Variants in PADI4 observed in about 807,000 individuals in gnomAD.
PADI4 encodes the protein peptidyl arginine deiminase 4, also known as protein-arginine deiminase type-4.
PADI4 carries 62 observed loss-of-function variants against 75.0 expected under a neutral mutation model. The observed-to-expected ratio is 0.83, with a 90% CI of 0.67 to 1.02. The LOEUF is 1.02. Ranked by LOEUF, PADI4 falls within the 50% of genes least tolerant of loss-of-function variation. PADI4 has a pLI of 0.00. For synonymous variants in PADI4, 361 were observed against 348.1 expected (o/e 1.04, Z -0.41); for missense variants, 845 against 850.5 (o/e 0.99, Z 0.08).
At chr1:17,332,572 G>T (rs1354766465) in intron 2 of PADI4, among the ~76,000 whole-genome samples, 1 of 152,168 alleles carries the variant, frequency 6.6e-6, no homozygotes, top group African/African-American at 2.4e-5. Context: ...ACTTAGATCT[G>T]CAAAGACTTT....
intron 6 of PADI4, among the ~76,000 whole-genome samples, chr1:17,340,844 C>T (rs1027332150): frequency 1.3e-4 from 19 of 148,772 alleles, no homozygotes; most frequent in African/African-American, 4.0e-4. Context: ...TCTGTTGCCC[C>T]GGCTGGAGTG....
chr1:17,329,372 A>C (rs2074170217), intron 1 of PADI4, among the ~76,000 whole-genome samples: 1 of 152,134 alleles, frequency 6.6e-6, no homozygotes, highest in African/African-American at 2.4e-5. Context: ...ACTCTCCAAA[A>C]CTTAACTACT....
At chr1:17,309,697 G>A (rs1420428345) in intron 1 of PADI4, among the ~76,000 whole-genome samples, 1 of 152,234 alleles carries the variant, frequency 6.6e-6, no homozygotes, top group African/African-American at 2.4e-5. Flanking sequence ...CTTTGCTACT[G>A]CCTGAGCCCC....
chr1:17,314,405 G>C (rs190959519), intron 1 of PADI4, among the ~76,000 whole-genome samples: 2 of 152,162 alleles, frequency 1.3e-5, no homozygotes, highest in Non-Finnish European at 2.9e-5. Flanking sequence ...GTTTTGGTTC[G>C]GCCAGGTAGG....
At chr1:17,312,317 G>T (rs139893489) in intron 1 of PADI4, among the ~76,000 whole-genome samples, 2 of 151,992 alleles carry the variant, frequency 1.3e-5, no homozygotes, top group African/African-American at 2.4e-5. Flanking sequence ...AAAATTAGCC[G>T]GGCGTGGTGG....
intron 10 of PADI4, among the ~76,000 whole-genome samples, 166 bp from the exon 11 acceptor site, chr1:17,354,367 A>G (rs2074722516): frequency 6.6e-6 from 1 of 152,220 alleles, no homozygotes; most frequent in Non-Finnish European, 1.5e-5. Flanking sequence ...AATGAACTCA[A>G]CATTCCTTTA....
In PADI4 at chr1:17,356,115, AC is replaced by A. The variant is rs759380905; in HGVS notation, c.1446del (p.Asp483ThrfsTer44). ...ACGAGTTCCTGAGCTTTGTGCCAGC[AC>A]CCGACAGGAAGGTACAGTCTTGGGG... ...VDEFLSFVPA[P>X]DRKGFRLLLA... On this transcript the variant is annotated frameshift_variant, in exon 12 of 16. Transcript: ENST00000375448. LOFTEE classifies it high-confidence loss of function. This position sits in a 1 kb window ranked among gnomAD's most constrained non-coding sequence, Gnocchi z 4.1. 3 of 1,613,974 alleles carry A rather than the reference AC, an allele frequency of 1.9e-6. No individual in the cohort carries two copies. Among genetic ancestry groups the A allele is most frequent in the South Asian group, 1.1e-5 (1 of 91,056 alleles).
chr1:17,331,431 C>T (rs889409071), intron 2 of PADI4, among the ~76,000 whole-genome samples: 1 of 152,184 alleles, frequency 6.6e-6, no homozygotes, highest in African/African-American at 2.4e-5. Context: ...ACTGGGAATC[C>T]AGAAATGAAT....
intron 1 of PADI4, among the ~76,000 whole-genome samples, chr1:17,316,017 C>T (rs1312204596): frequency 6.6e-6 from 1 of 151,906 alleles, no homozygotes; most frequent in Non-Finnish European, 1.5e-5. Context: ...CCAGATGGCC[C>T]GGCAAAAACA....
intron 14 of PADI4, 45 bp from the exon 15 acceptor site, chr1:17,359,235 G>GCCCA: frequency 4.6e-6 from 1 of 219,382 alleles, no homozygotes; most frequent in Non-Finnish European, 7.5e-6. Context: ...CCCCACCCCC[G>GCCCA]ACTGCCATCA....
At chr1:17,342,748 G>A (rs1458639385) in intron 8 of PADI4, among the ~76,000 whole-genome samples, 24 of 152,226 alleles carry the variant, frequency 1.6e-4, no homozygotes, top group Admixed American at 1.6e-3. Flanking sequence ...GCTGAGGCAG[G>A]TGGATCACTT....
intron 1 of PADI4, among the ~76,000 whole-genome samples, chr1:17,329,229 G>A (rs1384067998): frequency 3.3e-5 from 5 of 151,380 alleles, no homozygotes; most frequent in Admixed American, 2.6e-4. Flanking sequence ...AGGAGGCTGA[G>A]GGAGGAGAAT....
Position 17,356,883 on chromosome 1 carries a change from C to T in PADI4, c.1558+424C>T, listed in dbSNP as rs988530204. Reference sequence around the variant, plus strand: ...GAAAGCACGATGTGTGTGAGGACCTCGGGGAGGTTCGGTATAGCTGGAGCA... The same window carrying T: ...GAAAGCACGATGTGTGTGAGGACCTTGGGGAGGTTCGGTATAGCTGGAGCA... On this transcript the variant is annotated intron_variant, in intron 13 of 15. Coordinates refer to ENST00000375448, the MANE Select transcript of PADI4 (RefSeq NM_012387.3). This position sits in a 1 kb window ranked among gnomAD's most constrained non-coding sequence, Gnocchi z 4.1. Among the ~76,000 whole-genome samples, 5 of 152,160 alleles carry T rather than the reference C, an allele frequency of 3.3e-5. No individual in the cohort carries two copies. Among genetic ancestry groups the T allele is most frequent in the African/African-American group, 9.7e-5 (4 of 41,432 alleles).
At chr1:17,351,964 CGGCCAGGGAGG>C (rs2074640343) in intron 10 of PADI4, among the ~76,000 whole-genome samples, 4 of 77,902 alleles carry the variant, frequency 5.1e-5, no homozygotes, top group African/African-American at 2.0e-4. Flanking sequence ...GGAGGAGAGG[CGGCCAGGGAGG>C]TGATGGGAGG....
chr1:17,337,054 C>T lies in PADI4; in HGVS notation c.408+828C>T, dbSNP rs554775102. ...TGCTGAATGAGTAATTAAGAGTTCA[C>T]ATAATAGTAACTATTTAGATTAGAA... On this transcript the variant is annotated intron_variant, in intron 4 of 15. Transcript: ENST00000375448. Among the ~76,000 whole-genome samples the T allele has an allele frequency of 8.5e-5, 13 of 152,356 alleles. No individual in the cohort carries two copies. In the South Asian group the frequency reaches 1.4e-3, roughly 17 times the overall value.
At position 17,363,711 on chromosome 1, in the gene PADI4, C is replaced by A. The variant is rs147723249; in HGVS notation, c.1948C>A (p.Arg650Ser). ...GGAGGTGCACTGCGGCACCAACGTG[C>A]GCAGAAAGCCCTTCTCCTTCAAGTG... ...HGEVHCGTNV[R>S]RKPFSFKWWN... Residue 650 changes from arginine to serine, a missense_variant, in exon 16 of 16, where the codon CGC becomes AGC. Coordinates refer to ENST00000375448, the MANE Select transcript of PADI4 (RefSeq NM_012387.3). 1,739 of 1,614,102 alleles carry A rather than the reference C, an allele frequency of 1.1e-3. 6 individuals are homozygous for A. The highest frequency in any genetic ancestry group is 6.9e-3 in the Middle Eastern group (42 of 6,062).
chr1:17,325,336 T>C (rs2074100809), intron 1 of PADI4, among the ~76,000 whole-genome samples: 1 of 152,220 alleles, frequency 6.6e-6, no homozygotes, highest in Admixed American at 6.5e-5. Context: ...TACTTTACAG[T>C]ATTTTTTCCT....
At chr1:17,319,480 G>T (rs1377903827) in intron 1 of PADI4, among the ~76,000 whole-genome samples, 1 of 151,994 alleles carries the variant, frequency 6.6e-6, no homozygotes. Context: ...GAGGTGGAAG[G>T]GTCACTTCAG....
intron 1 of PADI4, 69 bp downstream of exon 1, chr1:17,308,383 A>G: frequency 8.1e-7 from 1 of 1,235,094 alleles, no homozygotes; most frequent in African/African-American, 1.5e-5. Context: ...TTCTACTGAC[A>G]CAGGAGCATG....
Sources: gnomAD v4.1 joint callset for allele counts (sites outside exome capture counted in the v4.1 genomes callset) on GRCh38, gnomAD v4.1.1 for gene constraint, Gnocchi (gnomAD v3.1) non-coding constraint, MANE v1.5 for transcripts, NCBI Gene and HGNC (gene_info 2026-07-23, HGNC 2026-07-21) for gene names.